The following FRYL variants were observed in gnomAD, a reference collection of about 807,000 sequenced individuals.
FRYL encodes protein furry homolog-like.
In FRYL, 150 loss-of-function variants were observed where a neutral mutation model predicts 351.2. That is an observed-to-expected ratio of 0.43 (90% confidence interval 0.37 to 0.49). FRYL has a LOEUF of 0.49. Among genes scored for constraint, FRYL ranks in the 20% least tolerant of loss-of-function variants. The pLI is 0.00. For synonymous variants in FRYL, 1,153 were observed against 1,257.1 expected, an observed-to-expected ratio of 0.92 and a Z score of 1.75; for missense variants, 3,036 against 3,619.3, an observed-to-expected ratio of 0.84 and a Z score of 4.13.
At chr4:48,520,090 T>C (rs1365376692) in intron 55 of FRYL, among the ~76,000 whole-genome samples, 1 of 152,200 alleles carries the variant, frequency 6.6e-6, no homozygotes, top group Admixed American at 6.5e-5. Flanking sequence ...GAACGTTCTC[T>C]GAAAACAGGG....
intron 59 of FRYL, among the ~76,000 whole-genome samples, chr4:48,507,934 G>A (rs1457326376): frequency 6.6e-6 from 1 of 152,100 alleles, no homozygotes; most frequent in Non-Finnish European, 1.5e-5. Context: ...CATTGCTGGG[G>A]AGAGAAAAAT....
chr4:48,714,248 A>G (rs1364088180), intron 1 of FRYL, among the ~76,000 whole-genome samples: 1 of 151,602 alleles, frequency 6.6e-6, no homozygotes, highest in Non-Finnish European at 1.5e-5. Flanking sequence ...AAAAGCTAGC[A>G]GAAGGCAAGA....
chr4:48,587,005 T>C (rs775578479), intron 18 of FRYL, among the ~76,000 whole-genome samples: 2 of 151,910 alleles, frequency 1.3e-5, no homozygotes, highest in Non-Finnish European at 2.9e-5. Context: ...TTTAAACAGA[T>C]TATTTATAAT....
chr4:48,768,529 C>T (rs2138867), intron 1 of FRYL, among the ~76,000 whole-genome samples: 149,428 of 152,340 alleles, frequency 0.98, 73,346 homozygotes, highest in South Asian at 1. Flanking sequence ...ATTCAGCCGG[C>T]TGCAGTAGCT....
At chr4:48,601,517 T>C (rs556581814) in intron 13 of FRYL, among the ~76,000 whole-genome samples, 1 of 152,318 alleles carries the variant, frequency 6.6e-6, no homozygotes, top group Admixed American at 6.5e-5. Flanking sequence ...ACAAGTACCC[T>C]TTCATTCAAG....
At chr4:48,724,692 T>A (rs1769884987) in intron 1 of FRYL, among the ~76,000 whole-genome samples, 1 of 152,080 alleles carries the variant, frequency 6.6e-6, no homozygotes, top group African/African-American at 2.4e-5. Context: ...ATGACAAGAA[T>A]CAAAGAAAAA....
At position 48,589,771 on chromosome 4, in the gene FRYL, A is replaced by G. The variant is rs750756521; in HGVS notation, c.1614T>C (p.Ser538=). 1.2e-6 allele frequency: 2 copies of G among 1,613,684 alleles called. No individual in the cohort carries two copies. Among genetic ancestry groups the G allele is most frequent in the African/African-American group, 1.3e-5 (1 of 74,936 alleles). ...TAATCATGTCTTCAGGCTCCTTATT[A>G]GACATCTGCACACTGGTCATACACA... ...RPMCMTSVQM[S]NKEPEDMITG... Residue 538 remains serine (S), a synonymous_variant, in exon 18 of 64, where the codon TCT becomes TCC. Coordinates refer to ENST00000358350, the MANE Select transcript of FRYL (RefSeq NM_015030.2).
intron 1 of FRYL, among the ~76,000 whole-genome samples, chr4:48,731,214 C>T (rs541867617): frequency 4.7e-4 from 71 of 152,226 alleles, no homozygotes; most frequent in Non-Finnish European, 9.0e-4. Flanking sequence ...CACCCAGATT[C>T]AAAAAGCAAG....
In FRYL at chr4:48,500,166, C is replaced by G; in HGVS notation, c.8647G>C (p.Glu2883Gln). The G allele has an allele frequency of 1.2e-6, 2 of 1,605,414 alleles. No homozygotes were observed. Among genetic ancestry groups the G allele is most frequent in the Non-Finnish European group, 1.7e-6 (2 of 1,178,396 alleles). Residue 2883 changes from glutamate (E) to glutamine (Q), a missense_variant, in exon 63 of 64, where the codon GAG (glutamate) becomes CAG (glutamine). Transcript: ENST00000358350. Reference protein sequence around the residue: ...AQLESILKEAESASENEEIDI... With the variant: ...AQLESILKEAQSASENEEIDI... Reference sequence around the variant, plus strand: ...ATTTCTTCGTTTTCGGAAGCGGACTCAGCTTCTTTGAGGATACTTTCCAGT... The same window carrying G: ...ATTTCTTCGTTTTCGGAAGCGGACTGAGCTTCTTTGAGGATACTTTCCAGT...
intron 3 of FRYL, among the ~76,000 whole-genome samples, chr4:48,676,582 G>A (rs981743024): frequency 3.3e-5 from 5 of 149,850 alleles, no homozygotes; most frequent in African/African-American, 7.4e-5. Context: ...TATTAGAGAC[G>A]GGGTTTCACT....
At chr4:48,609,377 T>C (rs182037186) in intron 8 of FRYL, among the ~76,000 whole-genome samples, 144 of 152,268 alleles carry the variant, frequency 9.5e-4, no homozygotes, top group South Asian at 2.7e-3. Flanking sequence ...CCCAGCACTT[T>C]GGGAGGCCAA....
At chr4:48,742,358 G>T (rs1427625016) in intron 1 of FRYL, among the ~76,000 whole-genome samples, 5 of 152,074 alleles carry the variant, frequency 3.3e-5, no homozygotes, top group Non-Finnish European at 7.4e-5. Flanking sequence ...TCCCTCATTT[G>T]GCTTCCAGGA....
chr4:48,755,229 C>T (rs1773651241), intron 1 of FRYL, among the ~76,000 whole-genome samples: 1 of 152,198 alleles, frequency 6.6e-6, no homozygotes, highest in African/African-American at 2.4e-5. Context: ...TGAAACTTCA[C>T]ATCCAGCTCC....
At position 48,579,157 on chromosome 4, in the gene FRYL, C is replaced by T; in HGVS notation, c.2344G>A (p.Val782Met). 1.2e-6 allele frequency: 2 copies of T among 1,613,838 alleles called. No individual in the cohort carries two copies. The highest frequency in any genetic ancestry group is 1.7e-6 in the Non-Finnish European group (2 of 1,179,780). ...NSSPISHQFD[V>M]ISPSHIWIFA... is the part of the protein sequence containing the mutation. ...ATCCATATATGTGATGGACTAATCA[C>T]ATCAAACTGGTGGCTAATAGGAGAA... The change falls in exon 23 of 64, where the codon GTG becomes ATG. Residue 782 changes from valine (V) to methionine (M), a missense_variant. Val to Met is a conservative substitution (Grantham distance 21, BLOSUM62 1). Around this residue, in one of 7 missense-constraint regions of FRYL, gnomAD observed 492 missense variants for 551.5 expected, o/e 0.89. Coordinates refer to ENST00000358350, the MANE Select transcript of FRYL (RefSeq NM_015030.2).
At chr4:48,632,978 C>T (rs1283659579) in intron 4 of FRYL, among the ~76,000 whole-genome samples, 1 of 152,178 alleles carries the variant, frequency 6.6e-6, no homozygotes, top group Non-Finnish European at 1.5e-5. Flanking sequence ...GTGCCTAACT[C>T]CTCAGTGCGC....
chr4:48,656,193 T>A (rs1395257620), intron 3 of FRYL, among the ~76,000 whole-genome samples: 18 of 133,908 alleles, frequency 1.3e-4, no homozygotes, highest in African/African-American at 4.9e-4. Context: ...TATATATACA[T>A]TATATATACA....
chr4:48,564,766 C>T (rs906667390), intron 30 of FRYL, among the ~76,000 whole-genome samples, 167 bp downstream of exon 30: 1 of 152,066 alleles, frequency 6.6e-6, no homozygotes, highest in East Asian at 1.9e-4. Flanking sequence ...AGAATTGGAA[C>T]GTTTTTACAT....
chr4:48,748,721 C>T (rs1368497877), intron 1 of FRYL, among the ~76,000 whole-genome samples: 1 of 152,194 alleles, frequency 6.6e-6, no homozygotes, highest in Non-Finnish European at 1.5e-5. Flanking sequence ...AAAACAGATG[C>T]AAAATCCTGC....
In FRYL at chr4:48,580,023, A is replaced by T. The variant is rs1434294972; in HGVS notation, c.2260-782T>A. ...ATCTATTTAAAAATAAATAAAAATT[A>T]AAAATTAGTTTTTTAAAAAGTTTAG... On this transcript the variant is annotated intron_variant, in intron 22 of 63. Transcript: ENST00000358350. Among the ~76,000 whole-genome samples the T allele has an allele frequency of 5.3e-5, 8 of 151,422 alleles. No individual in the cohort carries two copies. The South Asian group carries it at 1.0e-3, about 20-fold the overall frequency.
Sources: allele counts gnomAD v4.1 joint callset (sites outside exome capture counted in the v4.1 genomes callset), GRCh38; gene constraint gnomAD v4.1.1; regional missense constraint gnomAD v4.1.1; transcripts MANE v1.5; gene names NCBI Gene and HGNC (gene_info 2026-07-23, HGNC 2026-07-21).